ADGRL2: variants seen among roughly 807,000 people sequenced by gnomAD.
ADGRL2 encodes calcium-independent alpha-latrotoxin receptor 2.
ADGRL2 carries 44 observed loss-of-function variants against 157.4 expected under a neutral mutation model. That is an observed-to-expected ratio of 0.28 (90% CI 0.22 to 0.36). The LOEUF is 0.36. Among genes scored for constraint, ADGRL2 ranks in the 10% least tolerant of loss-of-function variants. ADGRL2 has a pLI of 1.00. For missense variants in ADGRL2, 1,510 were observed against 1,768.9 expected, an observed-to-expected ratio of 0.85 and a Z score of 2.63; for synonymous variants, 585 against 624.7, an observed-to-expected ratio of 0.94 and a Z score of 0.95.
At chr1:81,475,788 C>T (rs12096396) in intron 2 of ADGRL2, among the ~76,000 whole-genome samples, 5,904 of 152,202 alleles carry the variant, frequency 0.039, 373 homozygotes, top group African/African-American at 0.14. Flanking sequence ...TTGCTGACAA[C>T]TCAAGTGTCA....
At chr1:81,693,257 C>G (rs2083379033) in intron 3 of ADGRL2, among the ~76,000 whole-genome samples, 1 of 152,144 alleles carries the variant, frequency 6.6e-6, no homozygotes, top group African/African-American at 2.4e-5. Context: ...ACCTGCCACT[C>G]TCCCGTCTCC....
At chr1:81,632,476 A>G (rs536461428) in intron 3 of ADGRL2, among the ~76,000 whole-genome samples, 5 of 152,176 alleles carry the variant, frequency 3.3e-5, no homozygotes, top group African/African-American at 1.2e-4. Context: ...AGAAAGTCAT[A>G]GGCCCGGCAC....
intron 3 of ADGRL2, among the ~76,000 whole-genome samples, chr1:81,691,323 T>G (rs1448476109): frequency 7.7e-6 from 1 of 129,384 alleles, no homozygotes; most frequent in Non-Finnish European, 1.7e-5. Flanking sequence ...GTTCTGCTTG[T>G]TTTCTTTTTT....
At chr1:81,316,956 T>C (rs574048818) in intron 1 of ADGRL2, among the ~76,000 whole-genome samples, 1 of 152,330 alleles carries the variant, frequency 6.6e-6, no homozygotes, top group East Asian at 1.9e-4. Flanking sequence ...ATTTGACCTT[T>C]CTTTGTCAAT....
At chr1:81,560,845 C>G (rs1301161612) in intron 2 of ADGRL2, among the ~76,000 whole-genome samples, 1 of 152,112 alleles carries the variant, frequency 6.6e-6, no homozygotes, top group Non-Finnish European at 1.5e-5. Flanking sequence ...CGGCCCGGTC[C>G]TCCAGACACA....
At chr1:81,901,360 C>T (rs2094483280) in intron 2 of ADGRL2, among the ~76,000 whole-genome samples, 1 of 152,056 alleles carries the variant, frequency 6.6e-6, no homozygotes, top group Admixed American at 6.6e-5. Context: ...ACATTCTTTG[C>T]ACATCTTAGT....
chr1:81,907,243 G>C lies in ADGRL2; in HGVS notation c.287+13G>C, dbSNP rs934829573. 12 of 1,599,262 alleles carry C rather than the reference G, an allele frequency of 7.5e-6. No homozygotes were observed. The highest frequency in any genetic ancestry group is 1.0e-5 in the Non-Finnish European group (12 of 1,166,534). ...TTATGACTCAAAGGTAAATATTCAT[G>C]TGTTAATGTCCCATTTGAGCTATTG... is the stretch of plus-strand genomic sequence containing the variant. On this transcript the variant is annotated intron_variant, in intron 3 of 23. Coordinates refer to ENST00000686636, the MANE Select transcript of ADGRL2 (RefSeq NM_001366006.2).
At chr1:81,640,585 T>C (rs2082200259) in intron 3 of ADGRL2, among the ~76,000 whole-genome samples, 2 of 151,638 alleles carry the variant, frequency 1.3e-5, no homozygotes, top group South Asian at 4.2e-4. Flanking sequence ...TGAGCCAAGA[T>C]GGCACCACTG....
At chr1:81,341,347 G>A (rs1252054739) in intron 1 of ADGRL2, among the ~76,000 whole-genome samples, 1 of 151,990 alleles carries the variant, frequency 6.6e-6, no homozygotes, top group African/African-American at 2.4e-5. Flanking sequence ...AAGGCCTCTA[G>A]ATTTATTTAA....
chr1:81,777,752 ACT>A (rs1033719645), intron 2 of ADGRL2, among the ~76,000 whole-genome samples: 3 of 151,852 alleles, frequency 2.0e-5, no homozygotes, highest in African/African-American at 7.3e-5. Flanking sequence ...GACAAGTGAG[ACT>A]CTGTTTCAAC....
intron 3 of ADGRL2, among the ~76,000 whole-genome samples, chr1:81,688,501 T>A (rs1177980139): frequency 6.6e-6 from 1 of 152,194 alleles, no homozygotes; most frequent in Admixed American, 6.5e-5. Context: ...TCTAAAAGTG[T>A]CCATAGTTTC....
At chr1:81,746,943 C>CACGT (rs2085275636) in intron 1 of ADGRL2, among the ~76,000 whole-genome samples, 3 of 145,476 alleles carry the variant, frequency 2.1e-5, no homozygotes, top group African/African-American at 7.7e-5. Context: ...CACGTATACA[C>CACGT]ATGTATGTAT....
At chr1:81,513,603 G>A (rs2079118682) in intron 2 of ADGRL2, among the ~76,000 whole-genome samples, 1 of 152,174 alleles carries the variant, frequency 6.6e-6, no homozygotes, top group Non-Finnish European at 1.5e-5. Flanking sequence ...TATACAGCCA[G>A]TAATGAAACA....
At chr1:81,562,982 C>CT (rs1290329116) in intron 2 of ADGRL2, among the ~76,000 whole-genome samples, 1 of 152,046 alleles carries the variant, frequency 6.6e-6, no homozygotes, top group Non-Finnish European at 1.5e-5. Context: ...CAAAGCTTAA[C>CT]TTTTTTGACT....
chr1:81,602,821 C>T (rs945715551), intron 3 of ADGRL2, among the ~76,000 whole-genome samples: 1 of 151,420 alleles, frequency 6.6e-6, no homozygotes, highest in Non-Finnish European at 1.5e-5. Context: ...TTGCTTGAAC[C>T]CAGGAGACAG....
intron 2 of ADGRL2, among the ~76,000 whole-genome samples, chr1:81,858,368 C>A (rs2093276170): frequency 6.6e-6 from 1 of 152,104 alleles, no homozygotes; most frequent in Non-Finnish European, 1.5e-5. Flanking sequence ...TTATTTCATT[C>A]AGCAAATGCT....
At chr1:81,478,993 A>G (rs1245389605) in intron 2 of ADGRL2, among the ~76,000 whole-genome samples, 3 of 152,086 alleles carry the variant, frequency 2.0e-5, no homozygotes, top group South Asian at 2.1e-4. Flanking sequence ...CTGTTTTTCC[A>G]TACAGTTATT....
chr1:81,600,185 G>A (rs2081309444), intron 3 of ADGRL2, among the ~76,000 whole-genome samples: 1 of 152,160 alleles, frequency 6.6e-6, no homozygotes, highest in African/African-American at 2.4e-5. Flanking sequence ...TGTCCAGCCT[G>A]GAATAGGACT....
At chr1:81,864,518 G>A (rs1177322865) in intron 2 of ADGRL2, among the ~76,000 whole-genome samples, 2 of 152,102 alleles carry the variant, frequency 1.3e-5, no homozygotes, top group East Asian at 3.9e-4. Flanking sequence ...AAAAAATTAA[G>A]TGAATATTGC....
Sources: allele counts gnomAD v4.1 joint callset (sites outside exome capture counted in the v4.1 genomes callset), GRCh38; gene constraint gnomAD v4.1.1; transcripts MANE v1.5; gene names NCBI Gene and HGNC (gene_info 2026-07-23, HGNC 2026-07-21).